The following SYTL5 variants were observed in gnomAD, a reference collection of about 807,000 sequenced individuals.
The protein encoded by SYTL5 is synaptotagmin-like protein 5.
In SYTL5, 34 loss-of-function variants were observed where a neutral mutation model predicts 55.9. The ratio of observed to expected loss-of-function variants is 0.61; its 90% CI spans 0.46 to 0.81. The LOEUF (loss-of-function observed/expected upper bound fraction) is 0.81, where lower values mean the gene tolerates loss of function less well. SYTL5 is among the 30% of genes least tolerant of loss of function. The probability of loss-of-function intolerance (pLI) is 0.00; values close to 1 mark genes in which losing one functional copy is unlikely to be tolerated. For missense variants in SYTL5, 637 were observed against 546.7 expected (o/e 1.17, Z -1.65); for synonymous variants, 221 against 188.7 (o/e 1.17, Z -1.40).
chrX:38,028,604 A>C (rs186520565), intron 1 of SYTL5, among the ~76,000 whole-genome samples: 17 of 112,091 alleles, frequency 1.5e-4, no homozygotes, highest in African/African-American at 4.8e-4. Context: ...GCAAAAAGTC[A>C]AAAAGATCAC....
chrX:38,014,055 G>T (rs766529167), intron 1 of SYTL5, among the ~76,000 whole-genome samples: 1 of 111,767 alleles, frequency 8.9e-6, no homozygotes, highest in East Asian at 2.8e-4. Context: ...AGGGCAATCT[G>T]CTCTGATGTC....
chrX:38,035,530 G>A (rs1180469344), intron 2 of SYTL5, among the ~76,000 whole-genome samples: 2 of 107,132 alleles, frequency 1.9e-5, no homozygotes, highest in Non-Finnish European at 3.9e-5. Context: ...GGCGGAGCTT[G>A]CAGTGAGCCG....
At chrX:37,893,701 A>T in the SYTL5 span, among the ~76,000 whole-genome samples, 3 of 81,186 alleles carry the variant, frequency 3.7e-5, no homozygotes, top group Non-Finnish European at 6.5e-5. Context: ...GATTATATAT[A>T]ATCTATAGAT....
intron 1 of SYTL5, among the ~76,000 whole-genome samples, chrX:38,010,374 A>C (rs1934136835): frequency 9.0e-6 from 1 of 111,533 alleles, no homozygotes; most frequent in Admixed American, 9.5e-5. Context: ...CAGACTGGAC[A>C]CATGTACCTA....
chrX:38,117,836 C>A (rs764901643), intron 13 of SYTL5, among the ~76,000 whole-genome samples: 1 of 111,622 alleles, frequency 9.0e-6, no homozygotes, highest in Non-Finnish European at 1.9e-5. Context: ...AGGAAGCATT[C>A]GGAAATATCC....
At chrX:37,966,903 T>A in the SYTL5 span, among the ~76,000 whole-genome samples, 1 of 112,169 alleles carries the variant, frequency 8.9e-6, no homozygotes, top group African/African-American at 3.2e-5. Flanking sequence ...CGTTTTGCTG[T>A]TTAGCAACCT....
intron 2 of SYTL5, among the ~76,000 whole-genome samples, chrX:38,039,569 A>C (rs1935218210): frequency 8.9e-6 from 1 of 112,224 alleles, no homozygotes; most frequent in Non-Finnish European, 1.9e-5. Flanking sequence ...AATACTGTTA[A>C]ATATCTACTT....
chrX:38,126,452 C>T, intron 16 of SYTL5, 136 bp from the exon 17 acceptor site: 1 of 559,273 alleles, frequency 1.8e-6, no homozygotes, highest in East Asian at 3.6e-5. Context: ...TAACACCACT[C>T]ACTATATATA....
the SYTL5 span, among the ~76,000 whole-genome samples, chrX:37,922,613 T>A: frequency 1.1e-4 from 12 of 112,085 alleles, no homozygotes; most frequent in African/African-American, 3.9e-4. Flanking sequence ...ATGCCCTTTA[T>A]TATCCTTGAA....
At chrX:38,005,708 T>G (rs1012442641), upstream of SYTL5, among the ~76,000 whole-genome samples, 1 of 111,447 alleles carries the variant, frequency 9.0e-6, no homozygotes, top group African/African-American at 3.3e-5. Flanking sequence ...CTCTAAACTT[T>G]TTAAAGGTGT....
chrX:38,081,936 G>A (rs1221268692), intron 6 of SYTL5, among the ~76,000 whole-genome samples: 1 of 111,350 alleles, frequency 9.0e-6, no homozygotes, highest in Non-Finnish European at 1.9e-5. Flanking sequence ...AGATTCTGTG[G>A]GTAGAGGTAA....
intron 2 of SYTL5, among the ~76,000 whole-genome samples, chrX:38,038,495 G>A (rs1935183458): frequency 8.9e-6 from 1 of 112,099 alleles, no homozygotes; most frequent in Non-Finnish European, 1.9e-5. Context: ...AGTAAACTTT[G>A]GTGCTAGCTA....
chrX:38,020,713 A>G (rs954935235), intron 1 of SYTL5, among the ~76,000 whole-genome samples: 1 of 109,934 alleles, frequency 9.1e-6, no homozygotes, highest in South Asian at 3.9e-4. Context: ...GGACTGATGC[A>G]TTTTAATGAC....
Position 38,053,958 on chromosome X carries a change from A to C in SYTL5, c.120-255A>C, listed in dbSNP as rs73465460. 2.0e-3 allele frequency among the ~76,000 whole-genome samples: 226 copies of C among 112,139 alleles called. 2 individuals carry two copies. The highest frequency in any genetic ancestry group is 7.2e-3 in the African/African-American group (221 of 30,884). On this transcript the variant is annotated intron_variant, in intron 2 of 16. Coordinates refer to ENST00000297875, the MANE Select transcript of SYTL5 (RefSeq NM_138780.3). ...GGGAGAAATTGTATTTCCTGAAAAT[A>C]TTTGGTTCTAACTCCTTGATTCAAA...
rs1023854434 is a variant in SYTL5, at chrX:38,128,137, T to G, written c.*1407T>G. On this transcript the variant is annotated 3_prime_UTR_variant, in exon 17 of 17. Coordinates refer to ENST00000297875, the MANE Select transcript of SYTL5 (RefSeq NM_138780.3). ...CTACGAAACTTAGATGCAAAGAAAG[T>G]TAAAGCTAGAAGGAACCTCAGGCCC... 8.9e-6 allele frequency: 1 copy of G among 112,083 alleles called. No homozygotes were observed. The highest frequency in any genetic ancestry group is 1.9e-5 in the Non-Finnish European group (1 of 53,233). 9.2% of individuals were successfully genotyped at this position (112,083 alleles called of 1,213,427 possible). A position where few individuals can be genotyped will look rare whatever the true frequency, so the allele number is the denominator to read the frequency against.
chrX:37,963,350 G>A, the SYTL5 span, among the ~76,000 whole-genome samples: 4 of 105,044 alleles, frequency 3.8e-5, no homozygotes, highest in Non-Finnish European at 5.9e-5. Context: ...GTGCAGTGGC[G>A]TGATCTCAGC....
chrX:38,008,060 T>C (rs143039543), intron 1 of SYTL5, among the ~76,000 whole-genome samples: 142 of 111,456 alleles, frequency 1.3e-3, no homozygotes, highest in African/African-American at 4.4e-3. Context: ...ATTACTTCCT[T>C]ATTATTATTT....
the SYTL5 span, among the ~76,000 whole-genome samples, chrX:37,945,294 C>T: frequency 1.8e-5 from 2 of 112,063 alleles, no homozygotes; most frequent in African/African-American, 6.5e-5. Flanking sequence ...ACACCCCTTT[C>T]CCAAAGATTT....
At chrX:38,044,749 A>G (rs1935408475) in intron 2 of SYTL5, among the ~76,000 whole-genome samples, 2 of 111,940 alleles carry the variant, frequency 1.8e-5, no homozygotes, top group South Asian at 7.5e-4. Context: ...TATTGATAAC[A>G]AGACTTTCTG....
Sources: gnomAD v4.1 joint callset for allele counts (sites outside exome capture counted in the v4.1 genomes callset) on GRCh38, gnomAD v4.1.1 for gene constraint, MANE v1.5 for transcripts, NCBI Gene and HGNC (gene_info 2026-07-23, HGNC 2026-07-21) for gene names.